Variants in TROAP observed in about 807,000 individuals in gnomAD.
TROAP encodes tastin.
Under a neutral mutation model 83.4 loss-of-function variants are expected in TROAP, and 62 were observed. The observed-to-expected ratio is 0.74, with a 90% CI of 0.61 to 0.92. The LOEUF is 0.92. Among genes scored for constraint, TROAP ranks in the 40% least tolerant of loss-of-function variants. TROAP has a pLI of 0.00. For synonymous variants in TROAP, 352 were observed against 386.4 expected, an observed-to-expected ratio of 0.91 and a Z score of 1.04; for missense variants, 876 against 985.1, an observed-to-expected ratio of 0.89 and a Z score of 1.48.
At chr12:49,327,408 CTG>C in intron 8 of TROAP, 78 bp downstream of exon 8, 1 of 1,576,384 alleles carries the variant, frequency 6.3e-7, no homozygotes, top group Non-Finnish European at 8.6e-7. Flanking sequence ...GCAGCCAACA[CTG>C]AGAATTGTAG....
chr12:49,330,031 A>G (rs1943554704), intron 12 of TROAP, 40 bp downstream of exon 12: 1 of 1,612,292 alleles, frequency 6.2e-7, no homozygotes, highest in Non-Finnish European at 8.5e-7. Context: ...TCTATTGAAC[A>G]GTGACTGGGC....
At chr12:49,326,866 C>A (rs1333597552) in intron 7 of TROAP, 146 bp downstream of exon 7, 1 of 893,810 alleles carries the variant, frequency 1.1e-6, no homozygotes, top group Non-Finnish European at 1.7e-6. Flanking sequence ...GGAGAAGAGA[C>A]CTTCTAGATA....
chr12:49,325,782 C>T lies in TROAP; in HGVS notation c.531C>T (p.Thr177=), dbSNP rs141056233. The change falls in exon 5 of 15, where the codon ACC becomes ACT. Residue 177 remains threonine, a synonymous_variant. Coordinates refer to ENST00000257909, the MANE Select transcript of TROAP (RefSeq NM_005480.4). Reference sequence around the variant, plus strand: ...CCTCTGCATATTTGGCCCCCAGAACCCCCACCCACCGACTGGACCCTGCCA... The same window carrying T: ...CCTCTGCATATTTGGCCCCCAGAACTCCCACCCACCGACTGGACCCTGCCA... ...VRASAYLAPR[T]PTHRLDPARA... 321 of 1,614,092 alleles carry T rather than the reference C, an allele frequency of 2.0e-4. No individual in the cohort carries two copies. The highest frequency in any genetic ancestry group is 2.5e-4 in the Non-Finnish European group (297 of 1,179,998).
chr12:49,326,096 C>T lies in TROAP; in HGVS notation c.654C>T (p.Ser218=). 6.2e-7 allele frequency: 1 copy of T among 1,613,936 alleles called. No homozygotes were observed. The highest frequency in any genetic ancestry group is 8.5e-7 in the Non-Finnish European group (1 of 1,180,032). The change falls in exon 6 of 15, where the codon TCC becomes TCT. Residue 218 remains serine (S), a synonymous_variant. Transcript: ENST00000257909. ...ATCAGATTTCACCTTCAGGACCTTC[C>T]TTTCACCCTTCCACTCGCCCCAGTT... The part of the protein sequence containing the change: ...LQALISPSGP[S]FHPSTRPSFQ...
In TROAP at chr12:49,325,322, C is replaced by T. The variant is rs7309764; in HGVS notation, c.338-179C>T. On this transcript the variant is annotated intron_variant, in intron 3 of 14. Coordinates refer to ENST00000257909, the MANE Select transcript of TROAP (RefSeq NM_005480.4). ...CCACCCGCCTCGGCCTCCCAAAGTG[C>T]TGGGATTACAGGCATGAGCCACTGC... 8.4e-3 allele frequency: 5,072 copies of T among 602,540 alleles called. 34 individuals are homozygous for T. Among genetic ancestry groups the T allele is most frequent in the Non-Finnish European group, 0.011 (4,070 of 372,856 alleles). The allele number at this position is 602,540 out of a possible 1,614,324, so 37.3% of individuals were successfully genotyped here.
In TROAP at chr12:49,325,407, T is replaced by C. The variant is rs1171744980; in HGVS notation, c.338-94T>C. On this transcript the variant is annotated intron_variant, in intron 3 of 14. Transcript: ENST00000257909. ...AATAAGCCAAATTCAATTGAATGAG[T>C]CTCTTGCTCACCTTGTACCTCAAAG... is the stretch of plus-strand genomic sequence containing the variant. The C allele has an allele frequency of 3.9e-6, 5 of 1,267,504 alleles. No individual in the cohort carries two copies. In the Admixed American group the frequency reaches 7.9e-5, roughly 20 times the overall value. 78.5% of individuals were successfully genotyped at this position (1,267,504 alleles called of 1,614,324 possible). A position where few individuals can be genotyped will look rare whatever the true frequency, so the allele number is the denominator to read the frequency against.
chr12:49,327,245 C>A lies in TROAP; in HGVS notation c.806C>A (p.Thr269Asn). Residue 269 changes from threonine (T) to asparagine (N), a missense_variant, in exon 8 of 15, where the codon ACT becomes AAT. By Grantham distance (65) the Thr-to-Asn change is moderately conservative. Coordinates refer to ENST00000257909, the MANE Select transcript of TROAP (RefSeq NM_005480.4). ...CCTAAAGGAGAACGCGAGGTTGTCACTCACTCAGATGAAGGAGGTGTGGCC... is the reference window on the plus strand; with the variant it reads ...CCTAAAGGAGAACGCGAGGTTGTCAATCACTCAGATGAAGGAGGTGTGGCC... ...SLPKGEREVVTHSDEGGVASL... is the reference protein window; with the variant it reads ...SLPKGEREVVNHSDEGGVASL... 6.2e-7 allele frequency: 1 copy of A among 1,614,202 alleles called. No individual in the cohort carries two copies. Among genetic ancestry groups the A allele is most frequent in the Non-Finnish European group, 8.5e-7 (1 of 1,180,020 alleles).
In TROAP at chr12:49,331,557, T is replaced by C. The variant is rs3180830; in HGVS notation, c.2293-16T>C. ...CAAGGTTGGCTGAGCTGTGACAAGGTCTTCTCTGTCTCCAGTGTTTCATTC... is the reference window on the plus strand; with the variant it reads ...CAAGGTTGGCTGAGCTGTGACAAGGCCTTCTCTGTCTCCAGTGTTTCATTC... On this transcript the variant is annotated splice_polypyrimidine_tract_variant and intron_variant, in intron 14 of 14. Transcript: ENST00000257909. 2 of 1,614,066 alleles carry C rather than the reference T, an allele frequency of 1.2e-6. No homozygotes were observed. The highest frequency in any genetic ancestry group is 1.7e-6 in the Non-Finnish European group (2 of 1,179,976).
intron 8 of TROAP, among the ~76,000 whole-genome samples, chr12:49,328,110 G>C (rs1263663252): frequency 1.3e-5 from 2 of 151,920 alleles, no homozygotes; most frequent in Admixed American, 1.3e-4. Context: ...GATCAGATTG[G>C]GTAAGGAATT....
rs749250786 is a variant in TROAP, at chr12:49,330,273, T to C, written c.1428T>C (p.Ser476=). ...TTCAGCCCCTGCTGACTGAGATTTC[T>C]AGAACTCTGAATGCCACAGAGCATA... The part of the protein sequence containing the change: ...VELQPLLTEI[S]RTLNATEHNS... The change falls in exon 13 of 15, where the codon TCT becomes TCC. Residue 476 remains serine, a synonymous_variant. Transcript: ENST00000257909. The C allele has an allele frequency of 5.6e-6, 9 of 1,614,028 alleles. No homozygotes were observed. In the African/African-American group the frequency reaches 1.2e-4, roughly 22 times the overall value.
intron 3 of TROAP, among the ~76,000 whole-genome samples, chr12:49,325,048 C>G (rs1357909532): frequency 1.3e-5 from 2 of 151,392 alleles, no homozygotes; most frequent in African/African-American, 4.9e-5. Flanking sequence ...GTAGCTGGTA[C>G]TACAGGCGCG....
chr12:49,327,340 G>A lies in TROAP; in HGVS notation c.891+10G>A, dbSNP rs778368270. The A allele has an allele frequency of 1.2e-5, 19 of 1,613,018 alleles. No individual in the cohort carries two copies. Among genetic ancestry groups the A allele is most frequent in the Non-Finnish European group, 1.5e-5 (18 of 1,179,448 alleles). ...AATGTCACATACCAGGGTGAGATGC[G>A]ACTCTCCTGGGATGGTGGGTGGGAG... On this transcript the variant is annotated intron_variant, in intron 8 of 14. Transcript: ENST00000257909.
At position 49,329,418 on chromosome 12, in the gene TROAP, C is replaced by T. The variant is rs1943547026; in HGVS notation, c.1128C>T (p.Ser376=). The T allele has an allele frequency of 6.2e-7, 1 of 1,612,444 alleles. No individual in the cohort carries two copies. The highest frequency in any genetic ancestry group is 8.5e-7 in the Non-Finnish European group (1 of 1,179,004). Residue 376 remains serine, a synonymous_variant, in exon 11 of 15, where the codon TCC becomes TCT. Coordinates refer to ENST00000257909, the MANE Select transcript of TROAP (RefSeq NM_005480.4). This position sits in a 1 kb window ranked among gnomAD's most constrained non-coding sequence, Gnocchi z 4.5. ...AGGCCCAGTGGCTGCGTGGTGTCTC[C>T]CCTCAGTCCTGCTCTGAAGATCCTG... ...VQQAQWLRGV[S]PQSCSEDPAL...
At chr12:49,326,226 C>G in intron 6 of TROAP, 68 bp downstream of exon 6, 1 of 1,525,252 alleles carries the variant, frequency 6.6e-7, no homozygotes, top group East Asian at 2.2e-5. Flanking sequence ...ATACAGGAGT[C>G]CCCCAGAGTT....
At chr12:49,327,110 C>A in intron 7 of TROAP, 99 bp from the exon 8 acceptor site, 1 of 1,427,998 alleles carries the variant, frequency 7.0e-7, no homozygotes, top group Non-Finnish European at 9.7e-7. Flanking sequence ...TGCAATGGGG[C>A]CTATTAAACT....
In TROAP at chr12:49,329,343, TG is replaced by T; in HGVS notation, c.1105-51del. 1.2e-6 allele frequency: 2 copies of T among 1,613,128 alleles called. No homozygotes were observed. The highest frequency in any genetic ancestry group is 2.2e-5 in the South Asian group (2 of 91,028). ...AGAGAAGACAGAAGCAAGGGGAGGCTGAGTGCCATCTGTGGGTGTCAGCCCT... is the reference window on the plus strand; with the variant it reads ...AGAGAAGACAGAAGCAAGGGGAGGCTAGTGCCATCTGTGGGTGTCAGCCCT... On this transcript the variant is annotated intron_variant, in intron 10 of 14. Transcript: ENST00000257909. The surrounding 1 kb of genome is among the most constrained non-coding windows in gnomAD (Gnocchi z 4.5).
At chr12:49,327,410 G>A (rs1592311742) in intron 8 of TROAP, 80 bp downstream of exon 8, 1 of 1,571,818 alleles carries the variant, frequency 6.4e-7, no homozygotes. Context: ...AGCCAACACT[G>A]AGAATTGTAG....
At position 49,329,569 on chromosome 12, in the gene TROAP, T is replaced by G; in HGVS notation, c.1164+115T>G. 1 of 1,260,294 alleles carries G rather than the reference T, an allele frequency of 7.9e-7. No homozygotes were observed. The allele number at this position is 1,260,294 out of a possible 1,614,324, so 78.1% of individuals were successfully genotyped here. ...GGCCAGGCATGGTGGCTCACACCTG[T>G]AATCCCAGCACTTTGGGAGGCTGAG... is the stretch of plus-strand genomic sequence containing the variant. On this transcript the variant is annotated intron_variant, in intron 11 of 14. Transcript: ENST00000257909. The surrounding 1 kb of genome is among the most constrained non-coding windows in gnomAD (Gnocchi z 4.5).
rs777404656 is a variant in TROAP at position 49,330,151 on chromosome 12, G to A, written c.1306G>A (p.Gly436Ser). 2.1e-5 allele frequency: 34 copies of A among 1,613,512 alleles called. No individual in the cohort carries two copies. In the East Asian group the frequency reaches 2.7e-4, roughly 13 times the overall value. The change falls in exon 13 of 15, where the codon GGT becomes AGT. Residue 436 changes from glycine to serine, a missense_variant. By Grantham distance (56) the Gly-to-Ser change is moderately conservative. Around this residue, in one of 3 missense-constraint regions of TROAP, gnomAD observed 689 missense variants for 722.6 expected, o/e 0.95. Transcript: ENST00000257909. ...GTGCTCTCTCCCACCACAGCGCATC[G>A]GTATCCTGCAACAGCTGTTGAGACA... ...SLQEVKIQRI[G>S]ILQQLLRQEV...
Sources: allele counts gnomAD v4.1 joint callset (sites outside exome capture counted in the v4.1 genomes callset), GRCh38; gene constraint gnomAD v4.1.1; regional missense constraint gnomAD v4.1.1; non-coding constraint Gnocchi (gnomAD v3.1); transcripts MANE v1.5; gene names NCBI Gene and HGNC (gene_info 2026-07-23, HGNC 2026-07-21).